The following CPS1 variants were observed in gnomAD, a reference collection of about 807,000 sequenced individuals.
CPS1 encodes the protein carbamoyl-phosphate synthase 1, also known as carbamoyl-phosphate synthase [ammonia], mitochondrial.
A neutral mutation model predicts 174.6 loss-of-function variants in CPS1; 109 were observed. The ratio of observed to expected loss-of-function variants is 0.62; its 90% CI spans 0.53 to 0.73. The LOEUF is 0.73. Ranked by LOEUF, CPS1 falls within the 30% of genes least tolerant of loss-of-function variation. CPS1 has a pLI of 0.00. For missense variants in CPS1, 1,689 were observed against 1,821.9 expected (o/e 0.93, Z 1.33); for synonymous variants, 637 against 632.0 (o/e 1.01, Z -0.12).
Position 210,678,412 on chromosome 2 carries a change from C to T in CPS1, c.*427C>T, listed in dbSNP as rs111328810. On this transcript the variant is annotated 3_prime_UTR_variant, in exon 38 of 38. Transcript: ENST00000233072. ...TTAACAGGGCAGAATACTCTAAAAA[C>T]TTGATAAAATTAAATATAGATTTAA... 90 of 197,916 alleles carry T rather than the reference C, an allele frequency of 4.5e-4. No homozygotes were observed. Among genetic ancestry groups the T allele is most frequent in the African/African-American group, 1.8e-3 (77 of 42,222 alleles). The allele number at this position is 197,916 out of a possible 1,614,324, so 12.3% of individuals were successfully genotyped here.
intron 19 of CPS1, 126 bp from the exon 20 acceptor site, chr2:210,611,991 A>G: frequency 4.1e-6 from 3 of 736,578 alleles, no homozygotes; most frequent in Non-Finnish European, 6.5e-6. Flanking sequence ...TTTTAATTTG[A>G]GAGGCTTTAT....
chr2:210,649,495 A>G (rs373672719), intron 27 of CPS1, among the ~76,000 whole-genome samples: 1 of 152,222 alleles, frequency 6.6e-6, no homozygotes, highest in African/African-American at 2.4e-5. Flanking sequence ...GAAATTTGTA[A>G]TAGGATAAAC....
intron 21 of CPS1, among the ~76,000 whole-genome samples, chr2:210,636,963 A>G (rs1293630238): frequency 6.6e-6 from 1 of 152,232 alleles, no homozygotes; most frequent in Non-Finnish European, 1.5e-5. Context: ...CAGATGGGTG[A>G]TATTAGTAAG....
intron 32 of CPS1, among the ~76,000 whole-genome samples, chr2:210,661,852 T>G (rs1048228858): frequency 4.0e-5 from 6 of 151,810 alleles, no homozygotes; most frequent in Non-Finnish European, 8.8e-5. Flanking sequence ...TTTCTTTTAG[T>G]AAATTGATAT....
At chr2:210,609,615 G>A (rs1456488622) in intron 19 of CPS1, among the ~76,000 whole-genome samples, 1 of 151,904 alleles carries the variant, frequency 6.6e-6, no homozygotes, top group Non-Finnish European at 1.5e-5. Flanking sequence ...TCTATCATTT[G>A]TCTATCTACC....
At chr2:210,612,507 C>T (rs917650721) in intron 20 of CPS1, among the ~76,000 whole-genome samples, 1 of 151,648 alleles carries the variant, frequency 6.6e-6, no homozygotes, top group South Asian at 2.1e-4. Context: ...TGACTTTAAG[C>T]CTGGATTTAA....
intron 17 of CPS1, 110 bp downstream of exon 17, chr2:210,605,356 G>A: frequency 8.5e-7 from 1 of 1,177,314 alleles, no homozygotes; most frequent in Non-Finnish European, 1.3e-6. Context: ...CTAGTTGACA[G>A]ACTAGTGATA....
chr2:210,536,856 A>T (rs1417086159), intron 1 of CPS1, among the ~76,000 whole-genome samples: 1 of 152,234 alleles, frequency 6.6e-6, no homozygotes, highest in Non-Finnish European at 1.5e-5. Flanking sequence ...ACCTTAAAAA[A>T]TTTAGATTAC....
intron 4 of CPS1, 71 bp downstream of exon 4, chr2:210,577,581 C>A: frequency 9.3e-7 from 1 of 1,080,792 alleles, no homozygotes. Flanking sequence ...TTCAGAAGTG[C>A]CAAGCAGACA....
intron 12 of CPS1, among the ~76,000 whole-genome samples, chr2:210,595,261 T>A (rs1698446901): frequency 6.6e-6 from 1 of 151,794 alleles, no homozygotes; most frequent in South Asian, 2.1e-4. Flanking sequence ...CTGCCAAAAA[T>A]TTTTTACTTA....
chr2:210,522,367 G>A (rs1695850129), intron 1 of CPS1, among the ~76,000 whole-genome samples: 2 of 151,968 alleles, frequency 1.3e-5, no homozygotes, highest in East Asian at 1.9e-4. Context: ...CTTTGGTGTA[G>A]TTAAGTGTTA....
At chr2:210,609,677 G>GTATCTAA (rs1699041535) in intron 19 of CPS1, among the ~76,000 whole-genome samples, 6 of 151,858 alleles carry the variant, frequency 4.0e-5, no homozygotes, top group Admixed American at 2.0e-4. Context: ...TGGCCAGTGT[G>GTATCTAA]GGAGCTTTTA....
chr2:210,544,323 C>T (rs1028215940), intron 1 of CPS1, among the ~76,000 whole-genome samples: 2 of 152,042 alleles, frequency 1.3e-5, no homozygotes, highest in African/African-American at 2.4e-5. Context: ...TGAGGTACAT[C>T]TTTAGGCCAA....
chr2:210,623,308 G>A (rs976795425), intron 21 of CPS1, among the ~76,000 whole-genome samples: 8 of 151,992 alleles, frequency 5.3e-5, no homozygotes, highest in Non-Finnish European at 1.0e-4. Flanking sequence ...TATACCATAC[G>A]AGTATTGGAA....
intron 1 of CPS1, among the ~76,000 whole-genome samples, chr2:210,565,387 T>G (rs575505137): frequency 1.3e-5 from 2 of 152,264 alleles, no homozygotes; most frequent in East Asian, 3.9e-4. Flanking sequence ...ACGTGTAGGC[T>G]CCAGACTAAA....
At chr2:210,617,451 A>T (rs949880698) in intron 21 of CPS1, 2 of 152,076 alleles carry the variant, frequency 1.3e-5, no homozygotes, top group African/African-American at 4.8e-5. Flanking sequence ...TACTTTAATC[A>T]CTTAAAATAT....
At chr2:210,670,055 G>A (rs1461883412) in intron 34 of CPS1, among the ~76,000 whole-genome samples, 1 of 152,026 alleles carries the variant, frequency 6.6e-6, no homozygotes, top group Non-Finnish European at 1.5e-5. Flanking sequence ...AAAAGGGTTT[G>A]TTAGAAAAAA....
chr2:210,597,272 G>A (rs1379676917), intron 13 of CPS1, among the ~76,000 whole-genome samples: 2 of 151,750 alleles, frequency 1.3e-5, no homozygotes, highest in African/African-American at 4.8e-5. Flanking sequence ...CTGACATTTT[G>A]TTAATAATAT....
At chr2:210,485,968 G>A (rs1468827165) in intron 1 of CPS1, among the ~76,000 whole-genome samples, 1 of 151,668 alleles carries the variant, frequency 6.6e-6, no homozygotes, top group Non-Finnish European at 1.5e-5. Flanking sequence ...GCATTCTGGT[G>A]GATTTGTAGT....
Sources: gnomAD v4.1 joint callset for allele counts (sites outside exome capture counted in the v4.1 genomes callset) on GRCh38, gnomAD v4.1.1 for gene constraint, MANE v1.5 for transcripts, NCBI Gene and HGNC (gene_info 2026-07-23, HGNC 2026-07-21) for gene names.